The following TRMT9B variants were observed in gnomAD, a reference collection of about 807,000 sequenced individuals.
TRMT9B encodes the protein tRNA methyltransferase 9B (putative), also known as probable tRNA methyltransferase 9B.
A neutral mutation model predicts 11.5 loss-of-function variants in TRMT9B; 16 were observed. That is an observed-to-expected ratio of 1.39 (90% CI 0.94 to 2.11). TRMT9B has a LOEUF of 2.11. Among genes scored for constraint, TRMT9B ranks in the 30% most tolerant of loss-of-function variants. TRMT9B has a pLI of 0.00. For missense variants in TRMT9B, 941 were observed against 553.8 expected, an observed-to-expected ratio of 1.70 and a Z score of -7.02; for synonymous variants, 274 against 192.4, an observed-to-expected ratio of 1.42 and a Z score of -3.51.
At position 13,029,074 on chromosome 8, in the gene TRMT9B, C is replaced by T. The variant is rs1815061411; in HGVS notation, c.*7030C>T. The stretch of plus-strand genomic sequence containing the variant: ...ACACACATATATATATATTCCTAGA[C>T]ATCTAGTGTTTGCTGTCATTAGTGA... On this transcript the variant is annotated 3_prime_UTR_variant, in exon 5 of 5. Coordinates refer to ENST00000524591, the MANE Select transcript of TRMT9B (RefSeq NM_020844.3). The T allele has an allele frequency of 6.0e-6, 1 of 166,844 alleles. No individual in the cohort carries two copies. Among genetic ancestry groups the T allele is most frequent in the Admixed American group, 6.6e-5 (1 of 15,266 alleles). The allele number at this position is 166,844 out of a possible 1,614,324, so 10.3% of individuals were successfully genotyped here.
At chr8:13,019,072 C>T (rs1813335262) in intron 4 of TRMT9B, among the ~76,000 whole-genome samples, 1 of 152,028 alleles carries the variant, frequency 6.6e-6, no homozygotes. Context: ...AGTGAATGAC[C>T]ATGAAAGTCT....
chr8:13,013,971 CTATT>C (rs1021919414), intron 4 of TRMT9B, among the ~76,000 whole-genome samples: 2 of 152,036 alleles, frequency 1.3e-5, no homozygotes, highest in African/African-American at 4.8e-5. Context: ...AAAATAAAAA[CTATT>C]TGATTAATAA....
chr8:12,999,480 T>G (rs10112155), intron 2 of TRMT9B, among the ~76,000 whole-genome samples: 21 of 152,258 alleles, frequency 1.4e-4, no homozygotes, highest in Non-Finnish European at 2.9e-4. Flanking sequence ...TTATATACTT[T>G]AAATATATGC....
intron 4 of TRMT9B, among the ~76,000 whole-genome samples, chr8:13,019,170 C>G (rs576245047): frequency 2.5e-4 from 38 of 152,080 alleles, no homozygotes; most frequent in South Asian, 2.5e-3. Flanking sequence ...AATACAGAAT[C>G]CATGAATAAT....
chr8:12,972,450 G>C (rs1803779830), intron 1 of TRMT9B, among the ~76,000 whole-genome samples: 1 of 152,130 alleles, frequency 6.6e-6, no homozygotes, highest in Non-Finnish European at 1.5e-5. Flanking sequence ...GAAAGAAACT[G>C]GAAACTAACC....
intron 4 of TRMT9B, among the ~76,000 whole-genome samples, chr8:13,016,313 TAA>T (rs1198788462): frequency 7.0e-6 from 1 of 143,170 alleles, no homozygotes; most frequent in Non-Finnish European, 1.5e-5. Context: ...AGATGAGGCA[TAA>T]GAGAGATAGT....
chr8:12,964,392 C>T lies in TRMT9B; in HGVS notation c.-200+18426C>T, dbSNP rs142934653. Among the ~76,000 whole-genome samples the T allele has an allele frequency of 4.1e-3, 621 of 152,256 alleles. 5 individuals carry two copies. The highest frequency in any genetic ancestry group is 0.014 in the African/African-American group (593 of 41,550). On this transcript the variant is annotated intron_variant, in intron 1 of 4. Transcript: ENST00000524591. Reference sequence around the variant, plus strand: ...ACTCACCAGAACATTTCCATCCTGCCGCAGGAACTTCATGTCGAATGCTTT... The same window carrying T: ...ACTCACCAGAACATTTCCATCCTGCTGCAGGAACTTCATGTCGAATGCTTT...
intron 2 of TRMT9B, among the ~76,000 whole-genome samples, chr8:13,004,241 AC>A (rs1402977558): frequency 1.2e-4 from 18 of 151,994 alleles, no homozygotes; most frequent in African/African-American, 4.3e-4. Flanking sequence ...GGCCCCAAGG[AC>A]TGCAGCTCCT....
At chr8:12,958,195 C>A (rs1801566887) in intron 1 of TRMT9B, among the ~76,000 whole-genome samples, 1 of 152,106 alleles carries the variant, frequency 6.6e-6, no homozygotes, top group Admixed American at 6.6e-5. Context: ...AATAATATCC[C>A]ATTGTTTACG....
At position 13,022,062 on chromosome 8, in the gene TRMT9B, A is replaced by T; in HGVS notation, c.*18A>T. 2.7e-6 allele frequency: 4 copies of T among 1,496,236 alleles called. No homozygotes were observed. Among genetic ancestry groups the T allele is most frequent in the East Asian group, 2.3e-5 (1 of 43,582 alleles). 92.7% of individuals were successfully genotyped at this position (1,496,236 alleles called of 1,614,324 possible). A position where few individuals can be genotyped will look rare whatever the true frequency, so the allele number is the denominator to read the frequency against. On this transcript the variant is annotated 3_prime_UTR_variant, in exon 5 of 5. Transcript: ENST00000524591. ...GTGATTGATTGGATCCTTTTAGACAACTCCTCCAAAAGATGAACCACATTC... is the reference window on the plus strand; with the variant it reads ...GTGATTGATTGGATCCTTTTAGACATCTCCTCCAAAAGATGAACCACATTC...
chr8:13,018,582 A>G (rs746657531), intron 4 of TRMT9B, among the ~76,000 whole-genome samples: 10 of 152,102 alleles, frequency 6.6e-5, no homozygotes, highest in Non-Finnish European at 1.3e-4. Flanking sequence ...GTCATGTTCT[A>G]TAAAGTCTCT....
chr8:13,011,789 C>A, intron 3 of TRMT9B: 1 of 950,552 alleles, frequency 1.1e-6, no homozygotes, highest in Non-Finnish European at 1.3e-6. Flanking sequence ...GTATACTGGA[C>A]CCATAGAGAT....
chr8:13,005,178 G>C (rs755045707), intron 2 of TRMT9B, among the ~76,000 whole-genome samples: 1 of 151,992 alleles, frequency 6.6e-6, no homozygotes, highest in Non-Finnish European at 1.5e-5. Flanking sequence ...GCTGAAATCA[G>C]TCAGGCACAG....
intron 1 of TRMT9B, among the ~76,000 whole-genome samples, 180 bp from the exon 2 acceptor site, chr8:12,990,654 A>G (rs926980074): frequency 2.0e-5 from 3 of 152,198 alleles, no homozygotes; most frequent in South Asian, 2.1e-4. Context: ...GAATTGATTT[A>G]TTGGCCTATT....
chr8:13,019,188 G>C (rs947010330), intron 4 of TRMT9B, among the ~76,000 whole-genome samples: 1 of 152,152 alleles, frequency 6.6e-6, no homozygotes, highest in African/African-American at 2.4e-5. Flanking sequence ...AATGAAGATG[G>C]ATTGTATTTA....
At chr8:12,989,462 C>A (rs907334952) in intron 1 of TRMT9B, among the ~76,000 whole-genome samples, 1 of 152,144 alleles carries the variant, frequency 6.6e-6, no homozygotes, top group South Asian at 2.1e-4. Flanking sequence ...CTGATTTGGG[C>A]GTATAGACAA....
At chr8:13,019,561 T>C (rs1176632877) in intron 4 of TRMT9B, among the ~76,000 whole-genome samples, 2 of 152,358 alleles carry the variant, frequency 1.3e-5, no homozygotes, top group African/African-American at 4.8e-5. Context: ...CCCAAAGTGC[T>C]GGGATTACTG....
At chr8:12,970,122 A>G (rs1241751836) in intron 1 of TRMT9B, 1 of 152,174 alleles carries the variant, frequency 6.6e-6, no homozygotes, top group Non-Finnish European at 1.5e-5. Context: ...ACCTGGTGAT[A>G]ACACCAATAC....
intron 1 of TRMT9B, among the ~76,000 whole-genome samples, chr8:12,953,454 A>G (rs1020325929): frequency 6.6e-6 from 1 of 152,060 alleles, no homozygotes; most frequent in African/African-American, 2.4e-5. Flanking sequence ...AGTTCAACCG[A>G]TTCTCCTGCC....
Sources: gnomAD v4.1 joint callset for allele counts (sites outside exome capture counted in the v4.1 genomes callset) on GRCh38, gnomAD v4.1.1 for gene constraint, MANE v1.5 for transcripts, NCBI Gene and HGNC (gene_info 2026-07-23, HGNC 2026-07-21) for gene names.